Variants in SCN11A observed in about 807,000 individuals in gnomAD.
The protein encoded by SCN11A is sodium voltage-gated channel alpha subunit 11.
A neutral mutation model predicts 162.2 loss-of-function variants in SCN11A; 122 were observed. The observed-to-expected ratio is 0.75, with a 90% CI of 0.65 to 0.87. SCN11A has a LOEUF of 0.87. Among genes scored for constraint, SCN11A ranks in the 40% least tolerant of loss-of-function variants. The pLI is 0.00. For synonymous variants in SCN11A, 758 were observed against 751.5 expected (o/e 1.01, Z -0.14); for missense variants, 2,015 against 2,181.6 (o/e 0.92, Z 1.52).
In SCN11A at chr3:38,870,731, C is replaced by A; in HGVS notation, c.3773G>T (p.Gly1258Val). 6.2e-7 allele frequency: 1 copy of A among 1,613,486 alleles called. No homozygotes were observed. Among genetic ancestry groups the A allele is most frequent in the Non-Finnish European group, 8.5e-7 (1 of 1,179,580 alleles). The stretch of plus-strand genomic sequence containing the variant: ...AGCTGCATATATAATATCCATCCAG[C>A]CCTTAAATGTTGCCTGCAACAAAAG... ...LALLQVATFK[G>V]WMDIIYAAVD... Residue 1258 changes from glycine (G) to valine (V), a missense_variant, in exon 26 of 30, where the codon GGC (glycine) becomes GTC (valine). By Grantham distance (109) the Gly-to-Val change is moderately radical (BLOSUM62 -3). Coordinates refer to ENST00000302328, the MANE Select transcript of SCN11A (RefSeq NM_001349253.2).
chr3:38,896,936 T>C lies in SCN11A; in HGVS notation c.2312A>G (p.Glu771Gly). ...TTCTTGCATACATTCCCACATATTT[T>C]CGATCCATTCCCCGCAGAGGATGCG... ...VFRILCGEWI[E>G]NMWECMQEAN... is the part of the protein sequence containing the mutation. The change falls in exon 18 of 30, where the codon GAA becomes GGA. Residue 771 changes from glutamate (E) to glycine (G), a missense_variant. Coordinates refer to ENST00000302328, the MANE Select transcript of SCN11A (RefSeq NM_001349253.2). 6.2e-7 allele frequency: 1 copy of C among 1,614,088 alleles called. No homozygotes were observed. Among genetic ancestry groups the C allele is most frequent in the South Asian group, 1.1e-5 (1 of 91,078 alleles).
chr3:38,847,028 T>C lies in SCN11A; in HGVS notation c.5042A>G (p.His1681Arg), dbSNP rs1428376692. ...GAAGGCGAAAAGAATATCCATGCAG[T>C]GGAGGCGATCTTCACTCACCATGGG... ...DLPMVSEDRL[H>R]CMDILFAFTA... is the part of the protein sequence containing the mutation. Residue 1681 changes from histidine (H) to arginine (R), a missense_variant, in exon 30 of 30, where the codon CAC (histidine) becomes CGC (arginine). By Grantham distance (29) the His-to-Arg change is conservative. Transcript: ENST00000302328. 4 of 1,613,842 alleles carry C rather than the reference T, an allele frequency of 2.5e-6. No homozygotes were observed. Among genetic ancestry groups the C allele is most frequent in the Non-Finnish European group, 3.4e-6 (4 of 1,179,988 alleles).
intron 4 of SCN11A, among the ~76,000 whole-genome samples, chr3:38,951,759 C>A (rs1050466542): frequency 6.6e-6 from 1 of 152,210 alleles, no homozygotes; most frequent in Non-Finnish European, 1.5e-5. Context: ...CTTGGAGAAC[C>A]TTTGTGTCTA....
chr3:38,872,416 T>G, intron 23 of SCN11A, 122 bp from the exon 24 acceptor site: 1 of 619,626 alleles, frequency 1.6e-6, no homozygotes, highest in Non-Finnish European at 3.0e-6. Flanking sequence ...TCACGTTATT[T>G]GTTTAGTGAA....
At chr3:38,958,960 A>G (rs1003401020) in intron 3 of SCN11A, among the ~76,000 whole-genome samples, 5 of 152,224 alleles carry the variant, frequency 3.3e-5, no homozygotes, top group Non-Finnish European at 7.3e-5. Flanking sequence ...TTAACCTTAT[A>G]CCTTCCTTGC....
chr3:39,018,056 T>C (rs2031344232), intron 2 of SCN11A, among the ~76,000 whole-genome samples: 1 of 152,248 alleles, frequency 6.6e-6, no homozygotes, highest in South Asian at 2.1e-4. Context: ...TGCAACAGCA[T>C]TCATTTGGGG....
chr3:38,901,806 TATG>T (rs1284653318), intron 16 of SCN11A, among the ~76,000 whole-genome samples: 2 of 152,182 alleles, frequency 1.3e-5, no homozygotes, highest in Non-Finnish European at 2.9e-5. Context: ...AAGCTATGTG[TATG>T]GTTCTACATA....
rs2064664673 is a variant in SCN11A at position 38,846,470 on chromosome 3, T to A, written c.*224A>T. The A allele has an allele frequency of 1.8e-6, 1 of 542,676 alleles. No homozygotes were observed. The highest frequency in any genetic ancestry group is 3.3e-6 in the Non-Finnish European group (1 of 304,994). 33.6% of individuals were successfully genotyped at this position (542,676 alleles called of 1,614,324 possible). ...TTTACAGTCCTTCCTGGTGTCTTCT[T>A]CCTTATTATAATAGTACCACTGGTT... On this transcript the variant is annotated 3_prime_UTR_variant, in exon 30 of 30. Coordinates refer to ENST00000302328, the MANE Select transcript of SCN11A (RefSeq NM_001349253.2).
intron 2 of SCN11A, among the ~76,000 whole-genome samples, chr3:38,973,969 C>A (rs558163894): frequency 2.6e-5 from 4 of 152,290 alleles, no homozygotes; most frequent in African/African-American, 9.6e-5. Context: ...GTGACCCAGA[C>A]CTTAAGCAAT....
chr3:38,946,863 A>C lies in SCN11A; in HGVS notation c.312T>G (p.Ser104Arg), dbSNP rs776133012. The change falls in exon 6 of 30, where the codon AGT becomes AGG. Residue 104 changes from serine (S) to arginine (R), a missense_variant. Transcript: ENST00000302328. ...CAAAAATGAACAAGGCATGCTTGGC[A>C]CTGAAGCGGTAGATTGTCCTCTTTC... ...LNRKRTIYRF[S>R]AKHALFIFGP... The C allele has an allele frequency of 6.2e-7, 1 of 1,614,030 alleles. No homozygotes were observed. Among genetic ancestry groups the C allele is most frequent in the Non-Finnish European group, 8.5e-7 (1 of 1,179,968 alleles).
intron 1 of SCN11A, among the ~76,000 whole-genome samples, chr3:39,040,338 C>A (rs2032018044): frequency 6.6e-6 from 1 of 152,160 alleles, no homozygotes; most frequent in African/African-American, 2.4e-5. Flanking sequence ...AGCCAAAGCA[C>A]CTTATGCAAT....
At chr3:39,018,477 T>C (rs2031355557) in intron 2 of SCN11A, among the ~76,000 whole-genome samples, 1 of 152,208 alleles carries the variant, frequency 6.6e-6, no homozygotes, top group East Asian at 1.9e-4. Context: ...CTTTGTTTCC[T>C]GTTAAGGAAA....
At chr3:38,909,286 A>G (rs758384637) in intron 12 of SCN11A, 92 bp from the exon 13 acceptor site, 18 of 1,184,028 alleles carry the variant, frequency 1.5e-5, no homozygotes, top group Non-Finnish European at 2.2e-5. Flanking sequence ...GTAGCAGACA[A>G]CTGGTCTTCC....
At chr3:38,905,544 A>G (rs866498647) in intron 14 of SCN11A, among the ~76,000 whole-genome samples, 4 of 152,338 alleles carry the variant, frequency 2.6e-5, no homozygotes, top group Middle Eastern at 3.4e-3. Context: ...ATGCATGCAC[A>G]TTTCTAGAGT....
At position 38,867,462 on chromosome 3, in the gene SCN11A, T is replaced by A. The variant is rs2126092736; in HGVS notation, c.3814-4A>T. The A allele has an allele frequency of 6.3e-7, 1 of 1,589,002 alleles. No homozygotes were observed. The highest frequency in any genetic ancestry group is 1.4e-5 in the African/African-American group (1 of 73,232). ...CAAACTCTGGCTGTTGTTCTTTCTG[T>A]TAGAAATTTTTTTAATAAGAGAAAA... On this transcript the variant is annotated splice_polypyrimidine_tract_variant and splice_region_variant and intron_variant, in intron 26 of 29. Coordinates refer to ENST00000302328, the MANE Select transcript of SCN11A (RefSeq NM_001349253.2).
rs1553639316 is a variant in SCN11A at position 38,908,092 on chromosome 3, A to G, written c.1330T>C (p.Ser444Pro). Residue 444 changes from serine to proline, a missense_variant, in exon 14 of 30, where the codon TCA becomes CCA. Transcript: ENST00000302328. ...ALVAMGIDRSSLTSLETSYFT... is the reference protein window; with the variant it reads ...ALVAMGIDRSPLTSLETSYFT... ...TATGATGTTTCAAGGGAAGTAAGTG[A>G]ACTTCTGTCAATTCCCATGGCAACC... 3 of 1,612,540 alleles carry G rather than the reference A, an allele frequency of 1.9e-6. No individual in the cohort carries two copies. The highest frequency in any genetic ancestry group is 2.5e-6 in the Non-Finnish European group (3 of 1,179,706).
At chr3:39,032,660 T>C (rs6599001) in intron 1 of SCN11A, among the ~76,000 whole-genome samples, 157 bp from the exon 2 acceptor site, 21,507 of 152,228 alleles carry the variant, frequency 0.14, 1,761 homozygotes, top group African/African-American at 0.22. Context: ...ATAAAACTTA[T>C]GAGACAGTTG....
At position 38,864,066 on chromosome 3, in the gene SCN11A, C is replaced by T. The variant is rs577954276; in HGVS notation, c.3952-767G>A. On this transcript the variant is annotated intron_variant, in intron 27 of 29. Coordinates refer to ENST00000302328, the MANE Select transcript of SCN11A (RefSeq NM_001349253.2). The stretch of plus-strand genomic sequence containing the variant: ...AGGGGGTAATGGGAAATAAGGCCTA[C>T]GCAAAGACAGGAGAGGCACAGATGT... 3.7e-4 allele frequency among the ~76,000 whole-genome samples: 56 copies of T among 152,078 alleles called. No homozygotes were observed. In the Middle Eastern group the frequency reaches 0.017, roughly 46 times the overall value.
At chr3:39,024,126 A>G (rs2031524931) in intron 2 of SCN11A, among the ~76,000 whole-genome samples, 1 of 152,274 alleles carries the variant, frequency 6.6e-6, no homozygotes, top group Admixed American at 6.5e-5. Flanking sequence ...AGAGAAGAAC[A>G]TAACAGATTC....
Sources: allele counts gnomAD v4.1 joint callset (sites outside exome capture counted in the v4.1 genomes callset), GRCh38; gene constraint gnomAD v4.1.1; transcripts MANE v1.5; gene names NCBI Gene and HGNC (gene_info 2026-07-23, HGNC 2026-07-21).